The following MEF2C variants were observed in gnomAD, a reference collection of about 807,000 sequenced individuals.
MEF2C encodes the protein myocyte enhancer factor 2C.
Under a neutral mutation model 50.5 loss-of-function variants are expected in MEF2C, and 6 were observed. The ratio of observed to expected loss-of-function variants is 0.12; its 90% CI spans 0.07 to 0.23. MEF2C has a LOEUF of 0.23. Ranked by LOEUF, MEF2C falls within the 10% of genes least tolerant of loss-of-function variation. The pLI is 1.00. For missense variants in MEF2C, 276 were observed against 605.0 expected (o/e 0.46, Z 5.70); for synonymous variants, 183 against 228.0 (o/e 0.80, Z 1.78).
chr5:88,784,033 G>C (rs1258774456), intron 3 of MEF2C, among the ~76,000 whole-genome samples: 1 of 152,192 alleles, frequency 6.6e-6, no homozygotes, highest in East Asian at 1.9e-4. Flanking sequence ...CAAAAATCTT[G>C]AATGCTTTAA....
At chr5:88,723,192 T>C (rs1247269801) in intron 10 of MEF2C, among the ~76,000 whole-genome samples, 1 of 152,172 alleles carries the variant, frequency 6.6e-6, no homozygotes, top group African/African-American at 2.4e-5. Flanking sequence ...TCCCTAAACA[T>C]ATAGGTTACC....
chr5:88,850,780 G>A (rs1186059502), intron 1 of MEF2C, among the ~76,000 whole-genome samples: 1 of 150,928 alleles, frequency 6.6e-6, no homozygotes, highest in Non-Finnish European at 1.5e-5. Flanking sequence ...ATGTACAGTT[G>A]ACCCTTGAAC....
chr5:88,841,774 GTTCAAGGCACTA>G (rs1817476413), intron 1 of MEF2C, among the ~76,000 whole-genome samples: 1 of 152,126 alleles, frequency 6.6e-6, no homozygotes, highest in South Asian at 2.1e-4. Context: ...TCACTACTAT[GTTCAAGGCACTA>G]TTCTATGTAA....
At chr5:88,898,920 A>G (rs1835371056) in intron 1 of MEF2C, among the ~76,000 whole-genome samples, 1 of 152,148 alleles carries the variant, frequency 6.6e-6, no homozygotes, top group Non-Finnish European at 1.5e-5. Flanking sequence ...GGATTCAGAT[A>G]TTTTTAACAC....
At chr5:88,896,579 A>G (rs191135155) in intron 1 of MEF2C, among the ~76,000 whole-genome samples, 272 of 152,338 alleles carry the variant, frequency 1.8e-3, no homozygotes, top group Non-Finnish European at 1.8e-3. Context: ...GGGTACATAA[A>G]CAAATATTTC....
At chr5:88,891,073 A>G (rs1057089949) in intron 1 of MEF2C, among the ~76,000 whole-genome samples, 4 of 152,250 alleles carry the variant, frequency 2.6e-5, no homozygotes, top group Admixed American at 1.3e-4. Context: ...CATTTAACAA[A>G]GAATGAGGAG....
At chr5:88,805,837 T>C (rs2153081600) in intron 2 of MEF2C, among the ~76,000 whole-genome samples, 1 of 141,844 alleles carries the variant, frequency 7.1e-6, no homozygotes, top group South Asian at 2.4e-4. Flanking sequence ...TTTTTTTTTT[T>C]TTTTTTTTTT....
rs1209461447 is a variant in MEF2C at position 88,718,827 on chromosome 5, T to G, written c.*3777A>C. The stretch of plus-strand genomic sequence containing the variant: ...CTCCACATCTTTGGTTAAAACATAT[T>G]AAGAAAAGCCTTTAATTACATCTGT... On this transcript the variant is annotated 3_prime_UTR_variant, in exon 11 of 11. Coordinates refer to ENST00000504921, the MANE Select transcript of MEF2C (RefSeq NM_002397.5). The G allele has an allele frequency of 6.6e-6, 1 of 152,194 alleles. No individual in the cohort carries two copies. The highest frequency in any genetic ancestry group is 2.4e-5 in the African/African-American group (1 of 41,444). 9.4% of individuals were successfully genotyped at this position (152,194 alleles called of 1,614,324 possible).
intron 6 of MEF2C, chr5:88,738,414 C>T (rs1765033816): frequency 1.0e-6 from 1 of 968,968 alleles, no homozygotes; most frequent in Non-Finnish European, 1.2e-6. Context: ...GGATATAAAG[C>T]ACTTTTAATC....
At chr5:88,783,200 G>A (rs987692153) in intron 3 of MEF2C, among the ~76,000 whole-genome samples, 5 of 152,094 alleles carry the variant, frequency 3.3e-5, no homozygotes, top group African/African-American at 9.7e-5. Flanking sequence ...CATGGTCGTC[G>A]TTATCATTAT....
chr5:88,773,160 C>T (rs1466931105), intron 3 of MEF2C, among the ~76,000 whole-genome samples: 1 of 152,244 alleles, frequency 6.6e-6, no homozygotes, highest in Non-Finnish European at 1.5e-5. Context: ...GTATCCACAG[C>T]ATCTTGAATG....
chr5:88,790,844 C>G (rs1222294376), intron 3 of MEF2C, among the ~76,000 whole-genome samples: 3 of 152,234 alleles, frequency 2.0e-5, no homozygotes, highest in Admixed American at 1.3e-4. Context: ...ATGAACAAAG[C>G]TTCGTCATGC....
chr5:88,746,442 T>A, intron 6 of MEF2C: 3 of 446,436 alleles, frequency 6.7e-6, no homozygotes, highest in Non-Finnish European at 8.1e-6. Flanking sequence ...TCCCTCTCAC[T>A]TTTTTTTTTT....
chr5:88,850,226 A>G (rs1820832145), intron 1 of MEF2C, among the ~76,000 whole-genome samples: 1 of 152,104 alleles, frequency 6.6e-6, no homozygotes, highest in African/African-American at 2.4e-5. Flanking sequence ...TTGACTGTAA[A>G]AGCTTAAAAA....
intron 2 of MEF2C, among the ~76,000 whole-genome samples, chr5:88,819,100 G>A (rs568386221): frequency 6.6e-6 from 1 of 151,792 alleles, no homozygotes; most frequent in Non-Finnish European, 1.5e-5. Context: ...CTTGCTAGAG[G>A]GTCACATAGC....
chr5:88,838,816 G>A lies in MEF2C; in HGVS notation c.-142-14886C>T, dbSNP rs974871950. On this transcript the variant is annotated intron_variant, in intron 1 of 10. Coordinates refer to ENST00000504921, the MANE Select transcript of MEF2C (RefSeq NM_002397.5). ...TACAAATCCTTCTATTTACAGGGAA[G>A]TTTCCACTTCAAAATTTTATACAGT... 77 of 835,656 alleles carry A rather than the reference G, an allele frequency of 9.2e-5. No individual in the cohort carries two copies. In the African/African-American group the frequency reaches 1.4e-3, roughly 15 times the overall value. 51.8% of individuals were successfully genotyped at this position (835,656 alleles called of 1,614,324 possible).
intron 3 of MEF2C, among the ~76,000 whole-genome samples, chr5:88,762,820 G>A (rs747816545): frequency 6.6e-6 from 1 of 151,998 alleles, no homozygotes; most frequent in Non-Finnish European, 1.5e-5. Flanking sequence ...ATTAAAGACA[G>A]AATTCACATA....
At chr5:88,878,680 T>G (rs562369360) in intron 1 of MEF2C, among the ~76,000 whole-genome samples, 1 of 152,196 alleles carries the variant, frequency 6.6e-6, no homozygotes, top group Admixed American at 6.5e-5. Context: ...TTTGATTTTA[T>G]CTTTTCTAAA....
At chr5:88,785,142 A>G (rs1790196027) in intron 3 of MEF2C, among the ~76,000 whole-genome samples, 1 of 152,130 alleles carries the variant, frequency 6.6e-6, no homozygotes, top group African/African-American at 2.4e-5. Flanking sequence ...GGAACTGAAC[A>G]TAACAATGCT....
Sources: allele counts gnomAD v4.1 joint callset (sites outside exome capture counted in the v4.1 genomes callset), GRCh38; gene constraint gnomAD v4.1.1; transcripts MANE v1.5; gene names NCBI Gene and HGNC (gene_info 2026-07-23, HGNC 2026-07-21).